Variants in RYR2 observed in about 807,000 individuals in gnomAD.
The protein encoded by RYR2 is cardiac muscle ryanodine receptor-calcium release channel.
Under a neutral mutation model 601.1 loss-of-function variants are expected in RYR2, and 227 were observed. The ratio of observed to expected loss-of-function variants is 0.38; its 90% CI spans 0.34 to 0.42. The LOEUF (loss-of-function observed/expected upper bound fraction) is 0.42. Among genes scored for constraint, RYR2 ranks in the 10% least tolerant of loss-of-function variants. RYR2 has a pLI of 1.00. For synonymous variants in RYR2, 2,223 were observed against 2,175.1 expected, an observed-to-expected ratio of 1.02 and a Z score of -0.61; for missense variants, 4,646 against 6,156.5, an observed-to-expected ratio of 0.75 and a Z score of 8.21.
chr1:237,158,021 G>A (rs1452355485), intron 1 of RYR2, among the ~76,000 whole-genome samples: 2 of 152,048 alleles, frequency 1.3e-5, no homozygotes, highest in Admixed American at 6.5e-5. Flanking sequence ...CAACTATTAT[G>A]TATCCATAAA....
At chr1:237,379,957 A>G (rs980701724) in intron 8 of RYR2, among the ~76,000 whole-genome samples, 1 of 152,212 alleles carries the variant, frequency 6.6e-6, no homozygotes, top group Non-Finnish European at 1.5e-5. Flanking sequence ...GGAAAGGCCA[A>G]GGACACATCA....
chr1:237,593,366 G>A, intron 32 of RYR2, 110 bp from the exon 33 acceptor site: 1 of 1,085,782 alleles, frequency 9.2e-7, no homozygotes. Context: ...TTTAAACCAA[G>A]AAGTGAATTC....
At chr1:237,283,283 T>C (rs541260527) in intron 2 of RYR2, among the ~76,000 whole-genome samples, 92 of 152,324 alleles carry the variant, frequency 6.0e-4, no homozygotes, top group South Asian at 1.9e-3. Context: ...TTCTATTTCC[T>C]TCTCTTCCTC....
At chr1:237,824,290 C>T (rs1157375758) in intron 101 of RYR2, among the ~76,000 whole-genome samples, 1 of 152,150 alleles carries the variant, frequency 6.6e-6, no homozygotes, top group African/African-American at 2.4e-5. Flanking sequence ...AAATTACTGG[C>T]AAACCAAATC....
chr1:237,769,739 C>CTTT (rs370357517), intron 84 of RYR2, among the ~76,000 whole-genome samples: 1 of 125,202 alleles, frequency 8.0e-6, no homozygotes, highest in African/African-American at 2.9e-5. Flanking sequence ...GTAAAAAGTT[C>CTTT]TTTTTTTTTT....
In RYR2 at chr1:237,727,104, A is replaced by G; in HGVS notation, c.10743A>G (p.Arg3581=). The change falls in exon 76 of 105, where the codon AGA becomes AGG. Residue 3581 remains arginine, a synonymous_variant. Transcript: ENST00000366574. ...RHYCLVEHPQ[R]SKKAVWHKLL... ...TACCTCAGGTGGAACATCCTCAGAG[A>G]TCTAAAAAGGCTGTATGGCATAAAC... 6.3e-7 allele frequency: 1 copy of G among 1,582,600 alleles called. No homozygotes were observed. Among genetic ancestry groups the G allele is most frequent in the African/African-American group, 1.3e-5 (1 of 74,494 alleles).
intron 18 of RYR2, 110 bp from the exon 19 acceptor site, chr1:237,492,824 AAAGGAAGGAAGGAAGGAAGG>A (rs748804324): frequency 7.1e-5 from 55 of 775,456 alleles, no homozygotes; most frequent in Non-Finnish European, 1.0e-4. Context: ...ATGCTGTCTG[AAAGGAAGGAAGGAAGGAAGG>A]AAGGAAGGAA....
At chr1:237,802,924 TAGAC>T (rs1392061291) in intron 98 of RYR2, among the ~76,000 whole-genome samples, 1 of 152,212 alleles carries the variant, frequency 6.6e-6, no homozygotes, top group East Asian at 1.9e-4. Flanking sequence ...AGTCTTTCCT[TAGAC>T]AGCGTTCTGC....
At chr1:237,217,239 C>T (rs1683287943) in intron 1 of RYR2, among the ~76,000 whole-genome samples, 1 of 152,122 alleles carries the variant, frequency 6.6e-6, no homozygotes, top group African/African-American at 2.4e-5. Context: ...TATAATGTAA[C>T]CTTTCCCTGC....
intron 29 of RYR2, among the ~76,000 whole-genome samples, chr1:237,582,578 C>T (rs1272744595): frequency 3.3e-5 from 5 of 152,052 alleles, no homozygotes; most frequent in African/African-American, 1.2e-4. Context: ...CCCTTGTCCC[C>T]CCACCACAGT....
At chr1:237,647,002 A>G (rs1682233259) in intron 48 of RYR2, among the ~76,000 whole-genome samples, 1 of 152,232 alleles carries the variant, frequency 6.6e-6, no homozygotes, top group Non-Finnish European at 1.5e-5. Flanking sequence ...AGCAAAGCAT[A>G]TAGAGCAGGA....
At position 237,244,137 on chromosome 1, in the gene RYR2, C is replaced by T. The variant is rs1021753158; in HGVS notation, c.49-26360C>T. Among the ~76,000 whole-genome samples the T allele has an allele frequency of 5.9e-5, 9 of 152,274 alleles. No individual in the cohort carries two copies. The East Asian group carries it at 1.6e-3, about 26-fold the overall frequency. On this transcript the variant is annotated intron_variant, in intron 1 of 104. Transcript: ENST00000366574. ...TGAAGAGGAATATCAAGGTGTCTCACCAACAGGGCCAGTGTCCATAGGGCT... is the reference window on the plus strand; with the variant it reads ...TGAAGAGGAATATCAAGGTGTCTCATCAACAGGGCCAGTGTCCATAGGGCT...
Position 237,085,634 on chromosome 1 carries a change from C to G in RYR2, c.48+43065C>G, listed in dbSNP as rs1666241336. On this transcript the variant is annotated intron_variant, in intron 1 of 104. Transcript: ENST00000366574. ...CTTTCCTAATATCAAGAACCAAGAG[C>G]ATTTGAGGTGAACTGCCCCATTACT... 3.3e-5 allele frequency among the ~76,000 whole-genome samples: 5 copies of G among 152,278 alleles called. No homozygotes were observed. The South Asian group carries it at 1.0e-3, about 32-fold the overall frequency.
chr1:237,216,370 G>T (rs548807930), intron 1 of RYR2, among the ~76,000 whole-genome samples: 1 of 152,158 alleles, frequency 6.6e-6, no homozygotes, highest in Admixed American at 6.5e-5. Flanking sequence ...AGGCTATCAT[G>T]AATTTTATTA....
rs578083554 is a variant in RYR2 at position 237,084,991 on chromosome 1, G to A, written c.48+42422G>A. Among the ~76,000 whole-genome samples, 11 of 152,132 alleles carry A rather than the reference G, an allele frequency of 7.2e-5. No individual in the cohort carries two copies. In the East Asian group the frequency reaches 1.4e-3, roughly 19 times the overall value. On this transcript the variant is annotated intron_variant, in intron 1 of 104. Coordinates refer to ENST00000366574, the MANE Select transcript of RYR2 (RefSeq NM_001035.3). ...GATAGGAAAGCACCAAATTCACATC[G>A]GCTTTTTATTTTCATTATTTCTTAT...
chr1:237,476,119 A>C (rs1661365080), intron 17 of RYR2, among the ~76,000 whole-genome samples: 1 of 152,198 alleles, frequency 6.6e-6, no homozygotes, highest in Admixed American at 6.5e-5. Flanking sequence ...ACAGTTTTGC[A>C]GTGATGAAAG....
intron 2 of RYR2, among the ~76,000 whole-genome samples, chr1:237,292,166 G>T (rs1264865992): frequency 6.6e-6 from 1 of 152,170 alleles, no homozygotes; most frequent in Non-Finnish European, 1.5e-5. Context: ...AATTGATAAA[G>T]TATAGTGGAT....
intron 14 of RYR2, among the ~76,000 whole-genome samples, chr1:237,448,412 G>A (rs1433411862): frequency 2.0e-5 from 3 of 152,098 alleles, no homozygotes; most frequent in South Asian, 4.1e-4. Flanking sequence ...TTGTTTTATG[G>A]CTTAGAATAA....
At chr1:237,107,349 G>A (rs1030622274) in intron 1 of RYR2, among the ~76,000 whole-genome samples, 14 of 150,924 alleles carry the variant, frequency 9.3e-5, no homozygotes, top group Non-Finnish European at 1.3e-4. Context: ...GTGAAACCCC[G>A]TCTCTACTAA....
Sources: allele counts gnomAD v4.1 joint callset (sites outside exome capture counted in the v4.1 genomes callset), GRCh38; gene constraint gnomAD v4.1.1; transcripts MANE v1.5; gene names NCBI Gene and HGNC (gene_info 2026-07-23, HGNC 2026-07-21).